The following ROBO1 variants were observed in gnomAD, a reference collection of about 807,000 sequenced individuals.
The protein encoded by ROBO1 is roundabout homolog 1.
A neutral mutation model predicts 195.9 loss-of-function variants in ROBO1; 149 were observed. That is an observed-to-expected ratio of 0.76 (90% CI 0.67 to 0.87). The LOEUF is 0.87. Among genes scored for constraint, ROBO1 ranks in the 40% least tolerant of loss-of-function variants. The pLI is 0.00. For synonymous variants in ROBO1, 816 were observed against 733.2 expected, an observed-to-expected ratio of 1.11 and a Z score of -1.82; for missense variants, 1,933 against 2,068.3, an observed-to-expected ratio of 0.93 and a Z score of 1.27.
intron 1 of ROBO1, among the ~76,000 whole-genome samples, chr3:79,649,886 A>G (rs1016467304): frequency 2.0e-5 from 3 of 152,046 alleles, no homozygotes; most frequent in African/African-American, 4.8e-5. Flanking sequence ...CTACCTGTCT[A>G]TCCATCTTAT....
chr3:79,726,136 A>G lies in ROBO1; in HGVS notation c.-51+41616T>C, dbSNP rs113990114. ...TTACCTCTGTCAAGGATGATCCATA[A>G]CTATTGCACTGTTGTCATTCTAGTT... On this transcript the variant is annotated intron_variant, in intron 1 of 30. Coordinates refer to ENST00000464233, the MANE Select transcript of ROBO1 (RefSeq NM_002941.4). Among the ~76,000 whole-genome samples, 819 of 152,322 alleles carry G rather than the reference A, an allele frequency of 5.4e-3. 7 individuals are homozygous for G. The highest frequency in any genetic ancestry group is 0.019 in the African/African-American group (787 of 41,574).
At chr3:79,694,277 T>C (rs1221946311) in intron 1 of ROBO1, among the ~76,000 whole-genome samples, 2 of 150,394 alleles carry the variant, frequency 1.3e-5, no homozygotes, top group South Asian at 2.1e-4. Flanking sequence ...ATTTTTGTCT[T>C]ACAAATAATT....
intron 1 of ROBO1, among the ~76,000 whole-genome samples, chr3:79,710,720 G>A (rs1219911011): frequency 1.3e-5 from 2 of 152,090 alleles, no homozygotes; most frequent in African/African-American, 4.8e-5. Context: ...CAGAGAGAAT[G>A]AAACCAAAAA....
chr3:79,181,935 A>T (rs2081348502), intron 2 of ROBO1, among the ~76,000 whole-genome samples: 1 of 150,672 alleles, frequency 6.6e-6, no homozygotes, highest in Admixed American at 6.6e-5. Flanking sequence ...CAAAAAAAAA[A>T]AAAAAAAAAT....
chr3:79,396,240 C>T (rs974672819), intron 2 of ROBO1, among the ~76,000 whole-genome samples: 2 of 151,894 alleles, frequency 1.3e-5, no homozygotes, highest in Non-Finnish European at 2.9e-5. Flanking sequence ...AACAAAGAAA[C>T]AAGACACTTG....
intron 2 of ROBO1, among the ~76,000 whole-genome samples, chr3:79,509,378 CAAACTT>C (rs1940578220): frequency 6.6e-6 from 1 of 151,964 alleles, no homozygotes; most frequent in African/African-American, 2.4e-5. Flanking sequence ...ATGTTTACCT[CAAACTT>C]AAAGACTGTA....
chr3:79,521,282 C>A (rs7651819), intron 2 of ROBO1, among the ~76,000 whole-genome samples: 110,944 of 152,176 alleles, frequency 0.73, 41,574 homozygotes, highest in African/African-American at 0.92. Context: ...AAATGTCTGA[C>A]TATTTATCAA....
chr3:78,794,510 C>T (rs1185068758), intron 4 of ROBO1, among the ~76,000 whole-genome samples: 1 of 152,148 alleles, frequency 6.6e-6, no homozygotes, highest in Non-Finnish European at 1.5e-5. Context: ...AGTTACAAGG[C>T]ATACTAACAA....
chr3:78,988,267 G>A (rs545959878), intron 3 of ROBO1, among the ~76,000 whole-genome samples: 4 of 152,128 alleles, frequency 2.6e-5, no homozygotes, highest in South Asian at 2.1e-4. Context: ...ACAGAGCTAC[G>A]AACTAAAAGG....
chr3:79,271,997 T>C lies in ROBO1; in HGVS notation c.89-146458A>G, dbSNP rs963404762. Among the ~76,000 whole-genome samples the C allele has an allele frequency of 8.6e-5, 13 of 151,872 alleles. No homozygotes were observed. In the East Asian group the frequency reaches 9.7e-4, roughly 11 times the overall value. On this transcript the variant is annotated intron_variant, in intron 2 of 30. Transcript: ENST00000464233. ...TACTGACATATAAGTAAAAAATGAG[T>C]GCGTGGGGTGGTTGTACTCCTTTCT...
In ROBO1 at chr3:79,606,075, A is replaced by T. The variant is rs187717848; in HGVS notation, c.-50-16114T>A. Among the ~76,000 whole-genome samples the T allele has an allele frequency of 1.5e-3, 220 of 151,148 alleles. 2 individuals are homozygous for T. Among genetic ancestry groups the T allele is most frequent in the African/African-American group, 5.1e-3 (209 of 40,916 alleles). On this transcript the variant is annotated intron_variant, in intron 1 of 30. Coordinates refer to ENST00000464233, the MANE Select transcript of ROBO1 (RefSeq NM_002941.4). ...ATACACCCATTTAGCCACCACCCTGATCACACAAATACCTTTGTTTTTATG... is the reference window on the plus strand; with the variant it reads ...ATACACCCATTTAGCCACCACCCTGTTCACACAAATACCTTTGTTTTTATG...
intron 3 of ROBO1, among the ~76,000 whole-genome samples, chr3:79,063,720 A>T (rs1457013623): frequency 6.6e-6 from 1 of 151,910 alleles, no homozygotes; most frequent in Non-Finnish European, 1.5e-5. Context: ...ATTGTAAAAT[A>T]TTCTGGAAAT....
At chr3:78,633,571 C>T (rs1195231961) in intron 24 of ROBO1, among the ~76,000 whole-genome samples, 1 of 152,104 alleles carries the variant, frequency 6.6e-6, no homozygotes, top group East Asian at 1.9e-4. Context: ...TTTATAGGCT[C>T]GTTTCAAATG....
intron 3 of ROBO1, among the ~76,000 whole-genome samples, chr3:79,057,916 A>G (rs2078842809): frequency 6.6e-6 from 1 of 151,938 alleles, no homozygotes; most frequent in African/African-American, 2.4e-5. Flanking sequence ...TAATGTTACT[A>G]TGGGTTACAG....
At chr3:79,043,848 T>C (rs1447059286) in intron 3 of ROBO1, among the ~76,000 whole-genome samples, 1 of 152,116 alleles carries the variant, frequency 6.6e-6, no homozygotes, top group Non-Finnish European at 1.5e-5. Flanking sequence ...GCTCTCTATG[T>C]CTAATGGAAT....
chr3:79,432,876 T>G (rs2038731980), intron 2 of ROBO1, among the ~76,000 whole-genome samples: 1 of 152,196 alleles, frequency 6.6e-6, no homozygotes, highest in African/African-American at 2.4e-5. Flanking sequence ...GTATTATTAT[T>G]GACTTGGAAA....
intron 5 of ROBO1, among the ~76,000 whole-genome samples, chr3:78,740,450 T>TTTCTTTCTTTC (rs2082499913): frequency 2.9e-5 from 3 of 103,234 alleles, no homozygotes; most frequent in East Asian, 2.2e-4. Context: ...ATTTTTCTTT[T>TTTCTTTCTTTC]TTTCTTTCTT....
At chr3:78,889,266 G>C (rs1237041607) in intron 4 of ROBO1, among the ~76,000 whole-genome samples, 1 of 152,192 alleles carries the variant, frequency 6.6e-6, no homozygotes, top group Non-Finnish European at 1.5e-5. Context: ...AATGAAGGAT[G>C]AGCCAGGACA....
At chr3:79,603,039 G>T (rs114740130) in intron 1 of ROBO1, among the ~76,000 whole-genome samples, 1 of 151,898 alleles carries the variant, frequency 6.6e-6, no homozygotes. Context: ...GTCATTCCTT[G>T]TCATATGCCT....
Sources: gnomAD v4.1 joint callset for allele counts (sites outside exome capture counted in the v4.1 genomes callset) on GRCh38, gnomAD v4.1.1 for gene constraint, MANE v1.5 for transcripts, NCBI Gene and HGNC (gene_info 2026-07-23, HGNC 2026-07-21) for gene names.